The following MARK1 variants were observed in gnomAD, a reference collection of about 807,000 sequenced individuals.
MARK1 encodes the protein microtubule affinity regulating kinase 1.
In MARK1, 40 loss-of-function variants were observed where a neutral mutation model predicts 96.3. That is an observed-to-expected ratio of 0.42 (90% CI 0.32 to 0.54). MARK1 has a LOEUF of 0.54. Ranked by LOEUF, MARK1 falls within the 20% of genes least tolerant of loss-of-function variation. The pLI, the probability that MARK1 is intolerant of heterozygous loss-of-function variation, is 0.16. For missense variants in MARK1, 719 were observed against 984.6 expected (o/e 0.73, Z 3.61); for synonymous variants, 317 against 341.2 (o/e 0.93, Z 0.78).
At chr1:220,573,738 T>C (rs1395970167) in intron 1 of MARK1, among the ~76,000 whole-genome samples, 1 of 152,124 alleles carries the variant, frequency 6.6e-6, no homozygotes, top group Non-Finnish European at 1.5e-5. Context: ...TGTAATCCTA[T>C]CCAATGAATT....
At chr1:220,586,470 C>G (rs990130468) in intron 3 of MARK1, among the ~76,000 whole-genome samples, 2 of 152,204 alleles carry the variant, frequency 1.3e-5, no homozygotes, top group Non-Finnish European at 2.9e-5. Flanking sequence ...AAATCAAGCA[C>G]TCATAACCAA....
chr1:220,575,137 A>G (rs1168513676), intron 1 of MARK1, among the ~76,000 whole-genome samples: 2 of 152,200 alleles, frequency 1.3e-5, no homozygotes, highest in African/African-American at 2.4e-5. Flanking sequence ...CATGGGATGC[A>G]GCACTGAAGA....
chr1:220,607,236 A>C (rs1666137098), intron 6 of MARK1, among the ~76,000 whole-genome samples: 3 of 152,082 alleles, frequency 2.0e-5, no homozygotes, highest in African/African-American at 7.2e-5. Flanking sequence ...GAGGTCCTTC[A>C]CGTCCCTTGT....
chr1:220,539,566 G>A lies in MARK1; in HGVS notation c.51+10693G>A, dbSNP rs965078120. Among the ~76,000 whole-genome samples, 21 of 152,088 alleles carry A rather than the reference G, an allele frequency of 1.4e-4. No homozygotes were observed. In the East Asian group the frequency reaches 3.7e-3, roughly 27 times the overall value. ...TTTTCCATTCTTATTTTGTTGAGTG[G>A]TGTTTTTAATCATGAAAGGGTACTG... On this transcript the variant is annotated intron_variant, in intron 1 of 17. Transcript: ENST00000366917.
chr1:220,662,930 A>C lies in MARK1; in HGVS notation c.*764A>C, dbSNP rs1377086430. ...TGAAGTGTTTTCTGACCCACTGCTA[A>C]CTGTAGCAACAAAATTTAAAAGAAA... On this transcript the variant is annotated 3_prime_UTR_variant, in exon 18 of 18. Transcript: ENST00000366917. 1 of 152,634 alleles carries C rather than the reference A, an allele frequency of 6.6e-6. No individual in the cohort carries two copies. Among genetic ancestry groups the C allele is most frequent in the Non-Finnish European group, 1.5e-5 (1 of 68,038 alleles). The allele number at this position is 152,634 out of a possible 1,614,324, so 9.5% of individuals were successfully genotyped here. A position where few individuals can be genotyped will look rare whatever the true frequency, so the allele number is the denominator to read the frequency against.
At chr1:220,598,855 T>C (rs1665555657) in intron 4 of MARK1, among the ~76,000 whole-genome samples, 1 of 151,946 alleles carries the variant, frequency 6.6e-6, no homozygotes, top group African/African-American at 2.4e-5. Context: ...GGTGCGCACC[T>C]GTAGGCCCAG....
chr1:220,537,228 T>A (rs1447215446), intron 1 of MARK1, among the ~76,000 whole-genome samples: 5 of 117,670 alleles, frequency 4.2e-5, no homozygotes, highest in Non-Finnish European at 8.8e-5. Flanking sequence ...CCTAATGCTA[T>A]CCCTCCCCCC....
chr1:220,528,746 C>A lies in MARK1; in HGVS notation c.-77C>A. 1 of 1,401,270 alleles carries A rather than the reference C, an allele frequency of 7.1e-7. No homozygotes were observed. The highest frequency in any genetic ancestry group is 9.8e-7 in the Non-Finnish European group (1 of 1,024,898). 86.8% of individuals were successfully genotyped at this position (1,401,270 alleles called of 1,614,324 possible). ...CCGGCCTTGTGCTCGCGTCCGCACC[C>A]CTTTCCTGTCGCCCCCCGGGGCCCG... On this transcript the variant is annotated 5_prime_UTR_variant, in exon 1 of 18. Transcript: ENST00000366917.
intron 3 of MARK1, among the ~76,000 whole-genome samples, chr1:220,596,119 A>T (rs891868370): frequency 6.6e-6 from 1 of 152,226 alleles, no homozygotes; most frequent in Admixed American, 6.5e-5. Context: ...AGTAGTCAGC[A>T]ACAAATCGAT....
At chr1:220,622,390 TTG>T (rs1221722240) in intron 9 of MARK1, among the ~76,000 whole-genome samples, 3 of 152,356 alleles carry the variant, frequency 2.0e-5, no homozygotes, top group Middle Eastern at 3.4e-3. Flanking sequence ...ATTTTGACTT[TTG>T]ATACTTAATT....
intron 13 of MARK1, 25 bp from the exon 14 acceptor site, chr1:220,650,594 TA>T: frequency 1.4e-6 from 2 of 1,434,992 alleles, no homozygotes; most frequent in Non-Finnish European, 1.9e-6. Context: ...TATAATTTTT[TA>T]ATTGCCTTTT....
At chr1:220,624,072 C>T (rs1251369392) in intron 9 of MARK1, among the ~76,000 whole-genome samples, 2 of 152,058 alleles carry the variant, frequency 1.3e-5, no homozygotes, top group South Asian at 2.1e-4. Context: ...CCCAAGGGGG[C>T]GGATCACCTA....
chr1:220,564,113 A>G (rs2102787037), intron 1 of MARK1, among the ~76,000 whole-genome samples: 1 of 152,348 alleles, frequency 6.6e-6, no homozygotes, highest in East Asian at 1.9e-4. Context: ...ATTGCATTAA[A>G]TGGCCTTTAA....
chr1:220,648,078 AAAC>A (rs1405619032), intron 13 of MARK1, among the ~76,000 whole-genome samples: 3 of 152,020 alleles, frequency 2.0e-5, no homozygotes, highest in Non-Finnish European at 2.9e-5. Context: ...AAAAAAAAAG[AAAC>A]AACATTTTAA....
At chr1:220,617,102 G>A (rs1666797799) in intron 7 of MARK1, among the ~76,000 whole-genome samples, 1 of 152,044 alleles carries the variant, frequency 6.6e-6, no homozygotes, top group African/African-American at 2.4e-5. Context: ...AATTTACAAT[G>A]ACCAGCCCCT....
intron 11 of MARK1, among the ~76,000 whole-genome samples, chr1:220,634,745 T>C (rs1003808784): frequency 5.3e-5 from 8 of 152,326 alleles, no homozygotes; most frequent in African/African-American, 1.9e-4. Flanking sequence ...AACTTGTATG[T>C]TACAGAGAGA....
At position 220,598,334 on chromosome 1, in the gene MARK1, T is replaced by C; in HGVS notation, c.313T>C (p.Phe105Leu). The C allele has an allele frequency of 1.6e-6, 1 of 626,272 alleles. No homozygotes were observed. Among genetic ancestry groups the C allele is most frequent in the South Asian group, 1.6e-5 (1 of 64,478 alleles). 38.8% of individuals were successfully genotyped at this position (626,272 alleles called of 1,614,324 possible). A position where few individuals can be genotyped will look rare whatever the true frequency, so the allele number is the denominator to read the frequency against. ...QLNPTSLQKL[F>L]REVRIMKILN... ...ATCTACCTGTTTTCTTTAACAGTTA[T>C]TTCGAGAAGTACGAATAATGAAGAT... The change falls in exon 4 of 18, where the codon TTT (phenylalanine) becomes CTT (leucine). Residue 105 changes from phenylalanine (F) to leucine (L), a missense_variant. Physicochemically the swap from Phe to Leu is conservative, Grantham distance 22. Transcript: ENST00000366917.
At chr1:220,621,155 A>C (rs1667031793) in intron 9 of MARK1, among the ~76,000 whole-genome samples, 1 of 152,030 alleles carries the variant, frequency 6.6e-6, no homozygotes, top group Non-Finnish European at 1.5e-5. Flanking sequence ...TTTGATATGC[A>C]CTTCTTGCTT....
At chr1:220,553,488 G>C (rs534209755) in intron 1 of MARK1, among the ~76,000 whole-genome samples, 1 of 152,312 alleles carries the variant, frequency 6.6e-6, no homozygotes, top group Admixed American at 6.5e-5. Context: ...TGTAGCAGGG[G>C]AGCAGGAGTA....
Sources: allele counts gnomAD v4.1 joint callset (sites outside exome capture counted in the v4.1 genomes callset), GRCh38; gene constraint gnomAD v4.1.1; transcripts MANE v1.5; gene names NCBI Gene and HGNC (gene_info 2026-07-23, HGNC 2026-07-21).